ZNF280D: variants seen among roughly 807,000 people sequenced by gnomAD.
The protein encoded by ZNF280D is suppressor of hairy wing homolog 4.
A neutral mutation model predicts 94.7 loss-of-function variants in ZNF280D; 39 were observed. The observed-to-expected ratio is 0.41, with a 90% confidence interval of 0.32 to 0.54. The LOEUF is 0.54. Among genes scored for constraint, ZNF280D ranks in the 20% least tolerant of loss-of-function variants. The pLI is 0.22. For synonymous variants in ZNF280D, 398 were observed against 377.6 expected, an observed-to-expected ratio of 1.05 and a Z score of -0.63; for missense variants, 1,090 against 1,149.3, an observed-to-expected ratio of 0.95 and a Z score of 0.75.
intron 17 of ZNF280D, among the ~76,000 whole-genome samples, chr15:56,655,856 T>G (rs1001288520): frequency 2.0e-5 from 3 of 152,218 alleles, no homozygotes; most frequent in Admixed American, 2.0e-4. Flanking sequence ...GCATTTGAAG[T>G]GCTATTTAAA....
intron 21 of ZNF280D, among the ~76,000 whole-genome samples, chr15:56,633,138 T>C (rs752689298): frequency 2.5e-4 from 38 of 152,194 alleles, no homozygotes; most frequent in Admixed American, 4.6e-4. Context: ...TGATTACATA[T>C]ACCTTATTTC....
At chr15:56,689,792 T>C (rs1472454369) in intron 7 of ZNF280D, among the ~76,000 whole-genome samples, 1 of 151,964 alleles carries the variant, frequency 6.6e-6, no homozygotes, top group African/African-American at 2.4e-5. Context: ...AAAAAAAGTA[T>C]ACTATGAATA....
chr15:56,680,806 A>T (rs538735576), intron 10 of ZNF280D, among the ~76,000 whole-genome samples: 1 of 152,284 alleles, frequency 6.6e-6, no homozygotes, highest in Non-Finnish European at 1.5e-5. Context: ...TAAATGGGCT[A>T]ATCTTAAAGG....
At chr15:56,670,702 C>A (rs890152528) in intron 13 of ZNF280D, among the ~76,000 whole-genome samples, 4 of 151,920 alleles carry the variant, frequency 2.6e-5, no homozygotes, top group African/African-American at 9.7e-5. Context: ...GGGTATATAC[C>A]CAGCAATGGG....
intron 4 of ZNF280D, among the ~76,000 whole-genome samples, chr15:56,701,793 T>C (rs544703703): frequency 1.3e-5 from 2 of 152,042 alleles, no homozygotes; most frequent in Admixed American, 6.6e-5. Context: ...CTATCAGAGA[T>C]TGCAGACTAA....
At chr15:56,645,946 A>G (rs371843538) in intron 19 of ZNF280D, among the ~76,000 whole-genome samples, 2 of 152,194 alleles carry the variant, frequency 1.3e-5, no homozygotes, top group East Asian at 1.9e-4. Context: ...GGGAAGAACT[A>G]TAAGGGGAAA....
At chr15:56,705,981 T>C (rs2057379354) in intron 3 of ZNF280D, among the ~76,000 whole-genome samples, 1 of 150,176 alleles carries the variant, frequency 6.7e-6, no homozygotes, top group South Asian at 2.1e-4. Flanking sequence ...CTGAACTGTG[T>C]TTTCTCAAAA....
chr15:56,716,053 T>G (rs1306688918), intron 1 of ZNF280D, among the ~76,000 whole-genome samples: 1 of 152,164 alleles, frequency 6.6e-6, no homozygotes, highest in African/African-American at 2.4e-5. Context: ...TACACCATGT[T>G]ATATAAGGGA....
chr15:56,706,384 G>A (rs914834396), intron 3 of ZNF280D, among the ~76,000 whole-genome samples: 11 of 151,432 alleles, frequency 7.3e-5, no homozygotes, highest in African/African-American at 1.7e-4. Context: ...AGGCTGAGGC[G>A]GGAGAATCAC....
In ZNF280D at chr15:56,668,955, T is replaced by C. The variant is rs2054487955; in HGVS notation, c.1413A>G (p.Lys471=). The C allele has an allele frequency of 6.2e-7, 1 of 1,603,848 alleles. No individual in the cohort carries two copies. The highest frequency in any genetic ancestry group is 1.3e-5 in the African/African-American group (1 of 74,226). Residue 471 remains lysine (K), a splice_region_variant and synonymous_variant, in exon 14 of 22, where the codon AAA becomes AAG. Transcript: ENST00000267807. The part of the protein sequence containing the change: ...PYMHHYMKHQ[K]KGIHRCTKCR... The stretch of plus-strand genomic sequence containing the variant: ...ATTTTGTACAACGATGTATTCCTTT[T>C]TTCTGTTTAGAAAAAAACAGAAAAA...
chr15:56,715,818 T>C (rs543835218), intron 1 of ZNF280D, among the ~76,000 whole-genome samples: 43 of 152,280 alleles, frequency 2.8e-4, no homozygotes, highest in African/African-American at 9.9e-4. Flanking sequence ...AAGTGCACAT[T>C]TGGCCCTCCC....
chr15:56,651,916 G>T (rs1357081442), intron 19 of ZNF280D, among the ~76,000 whole-genome samples: 2 of 151,892 alleles, frequency 1.3e-5, no homozygotes, highest in Non-Finnish European at 2.9e-5. Context: ...TTTGACCTAT[G>T]ACCAAGGTAA....
intron 1 of ZNF280D, among the ~76,000 whole-genome samples, chr15:56,714,337 A>T (rs1033065713): frequency 1.3e-5 from 2 of 152,196 alleles, no homozygotes; most frequent in Non-Finnish European, 2.9e-5. Context: ...TTTCTGAAAG[A>T]TTCTAATTTT....
chr15:56,643,809 C>T (rs1295776372), intron 19 of ZNF280D, among the ~76,000 whole-genome samples: 5 of 151,676 alleles, frequency 3.3e-5, no homozygotes, highest in African/African-American at 1.2e-4. Context: ...TTAAGTGATA[C>T]ATAATTTTAT....
chr15:56,679,568 C>A (rs2055479474), intron 10 of ZNF280D, among the ~76,000 whole-genome samples: 1 of 152,154 alleles, frequency 6.6e-6, no homozygotes, highest in Non-Finnish European at 1.5e-5. Context: ...GAATTATGAC[C>A]TTCAATGGCA....
intron 20 of ZNF280D, among the ~76,000 whole-genome samples, chr15:56,636,209 A>C (rs1225891748): frequency 6.6e-6 from 1 of 152,200 alleles, no homozygotes; most frequent in African/African-American, 2.4e-5. Context: ...AAATGTTTAG[A>C]AACAGGAAAG....
chr15:56,647,208 T>C (rs555538810), intron 19 of ZNF280D, among the ~76,000 whole-genome samples: 3 of 152,280 alleles, frequency 2.0e-5, no homozygotes, highest in African/African-American at 7.2e-5. Flanking sequence ...ACTTTCTCAA[T>C]TAAAACAGTA....
intron 1 of ZNF280D, among the ~76,000 whole-genome samples, chr15:56,716,111 C>T (rs1251041636): frequency 6.6e-6 from 1 of 152,042 alleles, no homozygotes; most frequent in Non-Finnish European, 1.5e-5. Flanking sequence ...TGGAACCAAT[C>T]CCTCATGAAT....
intron 1 of ZNF280D, chr15:56,729,739 G>C (rs922954659): frequency 6.6e-6 from 1 of 152,130 alleles, no homozygotes. Flanking sequence ...AAATAGGAAG[G>C]GAATGTTGTC....
Sources: gnomAD v4.1 joint callset for allele counts (sites outside exome capture counted in the v4.1 genomes callset) on GRCh38, gnomAD v4.1.1 for gene constraint, MANE v1.5 for transcripts, NCBI Gene and HGNC (gene_info 2026-07-23, HGNC 2026-07-21) for gene names.